The following ARHGAP35 variants were observed in gnomAD, a reference collection of about 807,000 sequenced individuals.
The protein encoded by ARHGAP35 is Rho GTPase activating protein 35.
Under a neutral mutation model 111.1 loss-of-function variants are expected in ARHGAP35, and 15 were observed. The observed-to-expected ratio is 0.13, with a 90% CI of 0.09 to 0.21. The LOEUF is 0.21. Ranked by LOEUF, ARHGAP35 falls within the 10% of genes least tolerant of loss-of-function variation. The pLI, the probability that ARHGAP35 is intolerant of heterozygous loss-of-function variation, is 1.00. For synonymous variants in ARHGAP35, 643 were observed against 710.3 expected (o/e 0.91, Z 1.51); for missense variants, 1,262 against 1,873.0 (o/e 0.67, Z 6.02).
chr19:46,939,896 A>G (rs1277158411), intron 3 of ARHGAP35, among the ~76,000 whole-genome samples: 1 of 151,636 alleles, frequency 6.6e-6, no homozygotes, highest in Non-Finnish European at 1.5e-5. Context: ...AACAGACAAA[A>G]CACTGTTTTG....
chr19:46,939,405 ATTTATTT>A (rs2056331575), intron 3 of ARHGAP35, among the ~76,000 whole-genome samples: 1 of 134,400 alleles, frequency 7.4e-6, no homozygotes, highest in Non-Finnish European at 1.6e-5. Flanking sequence ...TTATTTATTT[ATTTATTT>A]ATTATTTAAT....
At position 46,919,759 on chromosome 19, in the gene ARHGAP35, A is replaced by G. The variant is rs2056186485; in HGVS notation, c.1084A>G (p.Ser362Gly). The G allele has an allele frequency of 6.2e-7, 1 of 1,614,046 alleles. No individual in the cohort carries two copies. The highest frequency in any genetic ancestry group is 2.2e-5 in the East Asian group (1 of 44,888). Residue 362 changes from serine to glycine, a missense_variant, in exon 2 of 7, where the codon AGC becomes GGC. Transcript: ENST00000672722. The surrounding 1 kb of genome is among the most constrained non-coding windows in gnomAD (Gnocchi z 6.2). Reference protein sequence around the residue: ...IPNLDEIDHLSCIKAKKLLET... With the variant: ...IPNLDEIDHLGCIKAKKLLET... ...TAATCTAGATGAAATAGACCACCTA[A>G]GCTGCATAAAAGCCAAAAAGCTCTT...
At chr19:46,939,510 A>G (rs1357374229) in intron 3 of ARHGAP35, among the ~76,000 whole-genome samples, 1 of 152,008 alleles carries the variant, frequency 6.6e-6, no homozygotes, top group African/African-American at 2.4e-5. Flanking sequence ...CCTGGGTTCA[A>G]GCAATCCTCC....
chr19:46,863,697 ATAGTTTTACCTC>A (rs2055841211), intron 1 of ARHGAP35, among the ~76,000 whole-genome samples: 1 of 150,454 alleles, frequency 6.6e-6, no homozygotes, highest in Non-Finnish European at 1.5e-5. Flanking sequence ...ATTTCAATAT[ATAGTTTTACCTC>A]TAGCTGGGGA....
At chr19:46,867,705 G>C (rs114007596) in intron 1 of ARHGAP35, among the ~76,000 whole-genome samples, 1 of 151,874 alleles carries the variant, frequency 6.6e-6, no homozygotes, top group African/African-American at 2.4e-5. Context: ...CCTTGTACTT[G>C]GTAGGCCCCC....
rs2056184771 is a variant in ARHGAP35, at chr19:46,919,580, C to T, written c.905C>T (p.Ser302Phe). The stretch of plus-strand genomic sequence containing the variant: ...AGTGTCAGCCGAAAGATGCAGGCCT[C>T]TCCAGAATACCAGGACTATGTCTAC... Reference protein sequence around the residue: ...WLSVSRKMQASPEYQDYVYLE... With the variant: ...WLSVSRKMQAFPEYQDYVYLE... The change falls in exon 2 of 7, where the codon TCT becomes TTT. Residue 302 changes from serine to phenylalanine, a missense_variant. Transcript: ENST00000672722. The surrounding 1 kb of genome is among the most constrained non-coding windows in gnomAD (Gnocchi z 6.2). 6.2e-7 allele frequency: 1 copy of T among 1,613,838 alleles called. No individual in the cohort carries two copies. Among genetic ancestry groups the T allele is most frequent in the African/African-American group, 1.3e-5 (1 of 74,924 alleles).
intron 1 of ARHGAP35, among the ~76,000 whole-genome samples, chr19:46,885,155 G>A (rs923795276): frequency 6.6e-6 from 1 of 152,132 alleles, no homozygotes; most frequent in African/African-American, 2.4e-5. Flanking sequence ...TTTGAAAAGC[G>A]CCCCTTCTTA....
At chr19:46,891,437 T>G (rs913144078) in intron 1 of ARHGAP35, among the ~76,000 whole-genome samples, 3 of 151,484 alleles carry the variant, frequency 2.0e-5, no homozygotes, top group Non-Finnish European at 2.9e-5. Flanking sequence ...TTTTTTTGTT[T>G]TTTTTTTTTA....
chr19:46,941,903 T>C (rs1181073084), intron 3 of ARHGAP35, among the ~76,000 whole-genome samples: 5 of 117,860 alleles, frequency 4.2e-5, no homozygotes, highest in Admixed American at 8.3e-5. Flanking sequence ...AAAAAAAAGA[T>C]AGATTGAATG....
intron 3 of ARHGAP35, among the ~76,000 whole-genome samples, chr19:46,953,739 G>C (rs188586613): frequency 9.5e-4 from 144 of 152,274 alleles, no homozygotes; most frequent in African/African-American, 3.1e-3. Context: ...CTCCAGTGTG[G>C]GGGCAGCCCA....
chr19:46,919,873 G>A lies in ARHGAP35; in HGVS notation c.1198G>A (p.Glu400Lys), dbSNP rs1322723304. ...ATSHIDNMENERIPFDLMDTV... is the reference protein window; with the variant it reads ...ATSHIDNMENKRIPFDLMDTV... ...CAGTCACATTGACAACATGGAAAAC[G>A]AACGGATTCCCTTTGATTTAATGGA... The change falls in exon 2 of 7, where the codon GAA becomes AAA. Residue 400 changes from glutamate to lysine, a missense_variant. Coordinates refer to ENST00000672722, the MANE Select transcript of ARHGAP35 (RefSeq NM_004491.5). The surrounding 1 kb of genome is among the most constrained non-coding windows in gnomAD (Gnocchi z 6.2). 8 of 1,613,876 alleles carry A rather than the reference G, an allele frequency of 5.0e-6. No homozygotes were observed. Among genetic ancestry groups the A allele is most frequent in the African/African-American group, 4.0e-5 (3 of 74,914 alleles).
intron 1 of ARHGAP35, among the ~76,000 whole-genome samples, chr19:46,863,188 ATCTT>A (rs1284513200): frequency 6.6e-6 from 1 of 151,446 alleles, no homozygotes; most frequent in African/African-American, 2.4e-5. Context: ...TTTCAGGCAT[ATCTT>A]TCTTTCCATC....
At chr19:46,948,562 T>C (rs2056393936) in intron 3 of ARHGAP35, 1 of 152,214 alleles carries the variant, frequency 6.6e-6, no homozygotes, top group Non-Finnish European at 1.5e-5. Context: ...GGTCCATCCA[T>C]CTGATGGAAT....
intron 1 of ARHGAP35, among the ~76,000 whole-genome samples, chr19:46,865,207 G>T (rs947746192): frequency 9.8e-5 from 15 of 152,324 alleles, no homozygotes; most frequent in Non-Finnish European, 2.1e-4. Flanking sequence ...GGAGTGGGGG[G>T]ACTGGAGCAG....
rs1411150215 is a variant in ARHGAP35 at position 47,004,445 on chromosome 19, G to A, written c.*3757G>A. 1 of 152,508 alleles carries A rather than the reference G, an allele frequency of 6.6e-6. No homozygotes were observed. Among genetic ancestry groups the A allele is most frequent in the Non-Finnish European group, 1.5e-5 (1 of 68,058 alleles). The allele number at this position is 152,508 out of a possible 1,614,324, so 9.4% of individuals were successfully genotyped here. A position where few individuals can be genotyped will look rare whatever the true frequency, so the allele number is the denominator to read the frequency against. ...GGCGGAGCCGGCAGCGATGCTACAG[G>A]CCTAAGTTATTGTTTGCATAAAAAG... On this transcript the variant is annotated 3_prime_UTR_variant, in exon 7 of 7. Transcript: ENST00000672722.
intron 3 of ARHGAP35, among the ~76,000 whole-genome samples, chr19:46,978,955 T>G (rs1599861546): frequency 2.3e-4 from 18 of 77,180 alleles, no homozygotes; most frequent in Admixed American, 5.0e-4. Context: ...GTGTGTGTGG[T>G]GGGGTTTGGT....
chr19:46,930,417 T>G (rs2056266147), intron 2 of ARHGAP35, among the ~76,000 whole-genome samples: 1 of 145,216 alleles, frequency 6.9e-6, no homozygotes, highest in Non-Finnish European at 1.5e-5. Flanking sequence ...CCCACCTGCT[T>G]CCAGTCCAGT....
rs2056666577 is a variant in ARHGAP35, at chr19:46,989,154, T to C, written c.3905-390T>C. ...GCAGTCACAGTGGTTGCTAACATCT[T>C]TGTGACCTACCTGGAAAGCGAGCCA... is the stretch of plus-strand genomic sequence containing the variant. On this transcript the variant is annotated intron_variant, in intron 4 of 6. Transcript: ENST00000672722. This position sits in a 1 kb window ranked among gnomAD's most constrained non-coding sequence, Gnocchi z 5.3. 1 of 185,438 alleles carries C rather than the reference T, an allele frequency of 5.4e-6. No homozygotes were observed. The highest frequency in any genetic ancestry group is 5.3e-5 in the Admixed American group (1 of 18,754). 11.5% of individuals were successfully genotyped at this position (185,438 alleles called of 1,614,324 possible).
chr19:46,923,393 C>T (rs536606860), intron 2 of ARHGAP35, among the ~76,000 whole-genome samples: 12 of 152,178 alleles, frequency 7.9e-5, no homozygotes, highest in Admixed American at 7.8e-4. Context: ...GGACTATAGG[C>T]GTGAGCCACC....
Sources: gnomAD v4.1 joint callset for allele counts (sites outside exome capture counted in the v4.1 genomes callset) on GRCh38, gnomAD v4.1.1 for gene constraint, Gnocchi (gnomAD v3.1) non-coding constraint, MANE v1.5 for transcripts, NCBI Gene and HGNC (gene_info 2026-07-23, HGNC 2026-07-21) for gene names.